Variants in NIFK observed in about 807,000 individuals in gnomAD.
NIFK encodes MKI67 FHA domain-interacting nucleolar phosphoprotein.
NIFK carries 16 observed loss-of-function variants against 31.7 expected under a neutral mutation model. The ratio of observed to expected loss-of-function variants is 0.50; its 90% CI spans 0.34 to 0.77. The LOEUF is 0.77. Ranked by LOEUF, NIFK falls within the 30% of genes least tolerant of loss-of-function variation. NIFK has a pLI of 0.01. For synonymous variants in NIFK, 126 were observed against 123.0 expected (o/e 1.02, Z -0.16); for missense variants, 341 against 350.4 (o/e 0.97, Z 0.21).
chr2:121,736,696 G>C (rs1236053952), intron 1 of NIFK, 50 bp downstream of exon 1: 2 of 1,504,178 alleles, frequency 1.3e-6, no homozygotes, highest in Admixed American at 3.3e-5. Flanking sequence ...ATACCCTCTA[G>C]ACCCGGTCCA....
At position 121,728,366 on chromosome 2, in the gene NIFK, A is replaced by T; in HGVS notation, c.625-10T>A. On this transcript the variant is annotated splice_polypyrimidine_tract_variant and intron_variant, in intron 5 of 6. Transcript: ENST00000285814. ...TCTTCTTACGTAAAACCTTAAAATAAATTTTAAAACACATCAATTTGAATA... is the reference window on the plus strand; with the variant it reads ...TCTTCTTACGTAAAACCTTAAAATATATTTTAAAACACATCAATTTGAATA... 4 of 1,574,118 alleles carry T rather than the reference A, an allele frequency of 2.5e-6. No individual in the cohort carries two copies. The highest frequency in any genetic ancestry group is 3.5e-6 in the Non-Finnish European group (4 of 1,145,688).
At chr2:121,730,601 T>C in intron 4 of NIFK, 1 of 336,622 alleles carries the variant, frequency 3.0e-6, no homozygotes, top group South Asian at 3.7e-5. Flanking sequence ...TCCAACACTT[T>C]GGGACGCTGA....
At chr2:121,728,223 C>T in intron 6 of NIFK, 65 bp downstream of exon 6, 5 of 998,424 alleles carry the variant, frequency 5.0e-6, no homozygotes, top group Non-Finnish European at 7.6e-6. Context: ...GTAGCAGAAA[C>T]TGCTTCTCCT....
At chr2:121,731,244 C>T (rs2305020) in intron 3 of NIFK, 140 bp from the exon 4 acceptor site, 28,593 of 599,346 alleles carry the variant, frequency 0.048, 1,591 homozygotes, top group East Asian at 0.17. Flanking sequence ...CACAGCAATG[C>T]GAAGTGAATA....
At chr2:121,729,332 C>T (rs2106441644) in intron 4 of NIFK, among the ~76,000 whole-genome samples, 1 of 145,420 alleles carries the variant, frequency 6.9e-6, no homozygotes, top group East Asian at 2.0e-4. Context: ...AGTGCCACTG[C>T]ACTCCAGCCT....
In NIFK at chr2:121,727,859, C is replaced by T. The variant is rs148836478; in HGVS notation, c.747G>A (p.Val249=). The T allele has an allele frequency of 3.7e-3, 6,011 of 1,611,310 alleles. 40 individuals are homozygous for T. Among genetic ancestry groups the T allele is most frequent in the Middle Eastern group, 0.017 (103 of 6,060 alleles). Reference sequence around the variant, plus strand: ...CTTTATCATCATCATTCAGTTCAGCCACTTGAGATTTTCGCCTCTCCAAAA... The same window carrying T: ...CTTTATCATCATCATTCAGTTCAGCTACTTGAGATTTTCGCCTCTCCAAAA... The part of the protein sequence containing the change: ...PTFLERRKSQ[V]AELNDDDKDD... The change falls in exon 7 of 7, where the codon GTG becomes GTA. Residue 249 remains valine (V), a synonymous_variant. Coordinates refer to ENST00000285814, the MANE Select transcript of NIFK (RefSeq NM_032390.5).
intron 3 of NIFK, 21 bp downstream of exon 3, chr2:121,732,075 C>A (rs371545872): frequency 6.9e-7 from 1 of 1,453,116 alleles, no homozygotes; most frequent in East Asian, 2.3e-5. Flanking sequence ...GGCAACCCTG[C>A]GGTAAGACAG....
rs1288046796 is a variant in NIFK at position 121,727,066 on chromosome 2, T to C, written c.*658A>G. ...AAATACATTGTAGAAAAAAGTTTAA[T>C]TGCTGGTTATTGTTTGAATCTTGAA... On this transcript the variant is annotated 3_prime_UTR_variant, in exon 7 of 7. Transcript: ENST00000285814. The C allele has an allele frequency of 6.0e-6, 1 of 166,968 alleles. No homozygotes were observed. The highest frequency in any genetic ancestry group is 1.3e-5 in the Non-Finnish European group (1 of 77,240). The allele number at this position is 166,968 out of a possible 1,614,324, so 10.3% of individuals were successfully genotyped here.
intron 3 of NIFK, 98 bp from the exon 4 acceptor site, chr2:121,731,202 C>T: frequency 6.1e-6 from 4 of 658,260 alleles, no homozygotes; most frequent in African/African-American, 1.8e-5. Context: ...TGGCTGGGTA[C>T]AGTGGCTCAC....
In NIFK at chr2:121,728,323, T is replaced by C. The variant is rs369558685; in HGVS notation, c.658A>G (p.Thr220Ala). 1.2e-6 allele frequency: 2 copies of C among 1,608,252 alleles called. No individual in the cohort carries two copies. Among genetic ancestry groups the C allele is most frequent in the South Asian group, 2.2e-5 (2 of 89,998 alleles). The change falls in exon 6 of 7, where the codon ACT (threonine) becomes GCT (alanine). Residue 220 changes from threonine (T) to alanine (A), a missense_variant. Physicochemically the swap from Thr to Ala is moderately conservative, Grantham distance 58 (BLOSUM62 0). Transcript: ENST00000285814. ...ACAGTCTTCTCAGGAGTGTCAAGAG[T>C]ACCTGAAACTTTTTTCTTCTTCTTA... ...LRKKKKKVSG[T>A]LDTPEKTVDS... is the part of the protein sequence containing the mutation.
intron 2 of NIFK, among the ~76,000 whole-genome samples, chr2:121,733,597 T>C (rs2074558833): frequency 6.6e-6 from 1 of 151,316 alleles, no homozygotes; most frequent in African/African-American, 2.4e-5. Context: ...GAGAATCACT[T>C]GAATCCGGGA....
At chr2:121,733,533 G>A (rs1433267239) in intron 2 of NIFK, among the ~76,000 whole-genome samples, 1 of 148,374 alleles carries the variant, frequency 6.7e-6, no homozygotes, top group Non-Finnish European at 1.5e-5. Flanking sequence ...AAAAAAATTA[G>A]CCAGGCATGG....
At chr2:121,730,861 C>T (rs754930772) in intron 4 of NIFK, 32 bp downstream of exon 4, 5 of 1,538,334 alleles carry the variant, frequency 3.3e-6, no homozygotes, top group Non-Finnish European at 3.6e-6. Context: ...CTCCCCACAA[C>T]AAACCACAAA....
At chr2:121,731,929 A>G (rs904005444) in intron 3 of NIFK, among the ~76,000 whole-genome samples, 167 bp downstream of exon 3, 1 of 152,168 alleles carries the variant, frequency 6.6e-6, no homozygotes, top group Non-Finnish European at 1.5e-5. Flanking sequence ...TAAAATTCCA[A>G]TTAGAATCTG....
intron 3 of NIFK, among the ~76,000 whole-genome samples, chr2:121,731,705 G>A (rs994435980): frequency 6.6e-6 from 1 of 152,074 alleles, no homozygotes; most frequent in Admixed American, 6.6e-5. Flanking sequence ...CATTGGTTTG[G>A]CATTCACTGT....
At position 121,727,036 on chromosome 2, in the gene NIFK, C is replaced by T. The variant is rs1287422779; in HGVS notation, c.*688G>A. ...CCCAATGACTCCCAAGTCCTACTCG[C>T]AAACAAATACATTGTAGAAAAAAGT... On this transcript the variant is annotated 3_prime_UTR_variant, in exon 7 of 7. Coordinates refer to ENST00000285814, the MANE Select transcript of NIFK (RefSeq NM_032390.5). The T allele has an allele frequency of 1.2e-5, 2 of 161,742 alleles. No individual in the cohort carries two copies. The highest frequency in any genetic ancestry group is 4.8e-5 in the African/African-American group (2 of 41,462). The allele number at this position is 161,742 out of a possible 1,614,324, so 10.0% of individuals were successfully genotyped here.
intron 2 of NIFK, 145 bp downstream of exon 2, chr2:121,735,468 G>T: frequency 1.2e-6 from 1 of 812,276 alleles, no homozygotes; most frequent in Non-Finnish European, 2.0e-6. Flanking sequence ...TGCTCCTGTA[G>T]CTGTTTCAGA....
Position 121,727,909 on chromosome 2 carries a change from G to A in NIFK, c.697C>T (p.Pro233Ser). The A allele has an allele frequency of 6.3e-7, 1 of 1,581,866 alleles. No individual in the cohort carries two copies. ...TPEKTVDSQG[P>S]TPVCTPTFLE... The stretch of plus-strand genomic sequence containing the variant: ...AATGTTGGTGTACAAACTGGTGTGG[G>A]GCCCTGGATTCAACAAGTAAAGATT... The change falls in exon 7 of 7, where the codon CCC (proline) becomes TCC (serine). Residue 233 changes from proline (P) to serine (S), a missense_variant. By Grantham distance (74) the Pro-to-Ser change is moderately conservative. Transcript: ENST00000285814.
intron 1 of NIFK, 191 bp from the exon 2 acceptor site, chr2:121,735,941 C>T (rs1159715573): frequency 1.2e-5 from 7 of 568,290 alleles, no homozygotes; most frequent in Non-Finnish European, 1.9e-5. Context: ...TCTTTCCAGC[C>T]TGGCATCCCA....
Sources: gnomAD v4.1 joint callset for allele counts (sites outside exome capture counted in the v4.1 genomes callset) on GRCh38, gnomAD v4.1.1 for gene constraint, MANE v1.5 for transcripts, NCBI Gene and HGNC (gene_info 2026-07-23, HGNC 2026-07-21) for gene names.